CHD8: variants seen among roughly 807,000 people sequenced by gnomAD.
CHD8 encodes ATP-dependent chromatin remodeler CHD8.
CHD8 carries 31 observed loss-of-function variants against 279.2 expected under a neutral mutation model. The ratio of observed to expected loss-of-function variants is 0.11; its 90% confidence interval spans 0.08 to 0.15. CHD8 has a LOEUF of 0.15. Ranked by LOEUF, CHD8 falls within the 10% of genes least tolerant of loss-of-function variation. The pLI is 1.00. For synonymous variants in CHD8, 1,081 were observed against 1,139.6 expected (o/e 0.95, Z 1.04); for missense variants, 2,146 against 3,230.5 (o/e 0.66, Z 8.14).
rs1428261806 is a variant in CHD8 at position 21,405,072 on chromosome 14, C to G, written c.3307+137G>C. ...AGAGTCTCTTTTTTAAAAGGAGAAC[C>G]ATTTCCCTCCCATTCCTCAGTCCGC... On this transcript the variant is annotated intron_variant, in intron 16 of 37. Coordinates refer to ENST00000646647, the MANE Select transcript of CHD8 (RefSeq NM_001170629.2). This position sits in a 1 kb window ranked among gnomAD's most constrained non-coding sequence, Gnocchi z 4.2. The G allele has an allele frequency of 1.3e-6, 1 of 745,722 alleles. No individual in the cohort carries two copies. Among genetic ancestry groups the G allele is most frequent in the Non-Finnish European group, 2.1e-6 (1 of 465,902 alleles). 46.2% of individuals were successfully genotyped at this position (745,722 alleles called of 1,614,324 possible).
chr14:21,405,292 C>T lies in CHD8; in HGVS notation c.3224G>A (p.Gly1075Glu). ...ATTAGGCATGTTGGTATGACCTGCC[C>T]CTTTGGAAAGGAAGGAGAAATTCTT... ...LEKNFSFLSK[G>E]AGHTNMPNLL... is the part of the protein sequence containing the mutation. The change falls in exon 16 of 38, where the codon GGG (glycine) becomes GAG (glutamate). Residue 1075 changes from glycine (G) to glutamate (E), a missense_variant. Coordinates refer to ENST00000646647, the MANE Select transcript of CHD8 (RefSeq NM_001170629.2). The surrounding 1 kb of genome is among the most constrained non-coding windows in gnomAD (Gnocchi z 4.2). 6.2e-7 allele frequency: 1 copy of T among 1,612,572 alleles called. No individual in the cohort carries two copies. The highest frequency in any genetic ancestry group is 8.5e-7 in the Non-Finnish European group (1 of 1,179,238).
At chr14:21,409,206 T>C (rs1282986191) in intron 11 of CHD8, among the ~76,000 whole-genome samples, 2 of 152,238 alleles carry the variant, frequency 1.3e-5, no homozygotes, top group Non-Finnish European at 2.9e-5. Flanking sequence ...TAAAATGTTT[T>C]ATTGGACAGT....
chr14:21,400,947 C>T lies in CHD8; in HGVS notation c.4298G>A (p.Arg1433His), dbSNP rs1888004387. The change falls in exon 22 of 38, where the codon CGC (arginine) becomes CAC (histidine). Residue 1433 changes from arginine (R) to histidine (H), a missense_variant. Physicochemically the swap from Arg to His is conservative, Grantham distance 29. Transcript: ENST00000646647. The surrounding 1 kb of genome is among the most constrained non-coding windows in gnomAD (Gnocchi z 4.2). Reference protein sequence around the residue: ...ESEDDERPRSRRHDRHHAYGR... With the variant: ...ESEDDERPRSHRHDRHHAYGR... ...ATAGGCATGATGACGGTCATGTCTG[C>T]GGGAGCGTGGCCGCTCATCATCCTC... 5 of 1,613,858 alleles carry T rather than the reference C, an allele frequency of 3.1e-6. No homozygotes were observed. The highest frequency in any genetic ancestry group is 1.1e-5 in the South Asian group (1 of 91,068).
intron 5 of CHD8, chr14:21,425,862 G>T (rs1360713801): frequency 2.8e-6 from 1 of 353,422 alleles, no homozygotes; most frequent in Non-Finnish European, 5.1e-6. Flanking sequence ...TTTGAAACCG[G>T]GAGGCAGAGG....
chr14:21,414,034 G>A, intron 9 of CHD8: 2 of 332,370 alleles, frequency 6.0e-6, no homozygotes. Context: ...TGGACCAGCA[G>A]TCAGTGTATC....
chr14:21,411,815 C>A (rs1888505096), intron 10 of CHD8, among the ~76,000 whole-genome samples: 1 of 152,174 alleles, frequency 6.6e-6, no homozygotes, highest in Admixed American at 6.5e-5. Flanking sequence ...GTAATCCCAG[C>A]ACTTTGGGAG....
chr14:21,445,786 G>C (rs1180806437), intron 1 of CHD8, among the ~76,000 whole-genome samples: 1 of 150,956 alleles, frequency 6.6e-6, no homozygotes, highest in Admixed American at 6.6e-5. Context: ...TGGATCACGA[G>C]GTCAGGAGTT....
Position 21,385,964 on chromosome 14 carries a change from G to C in CHD8, c.7395C>G (p.Ala2465=). 6.4e-7 allele frequency: 1 copy of C among 1,564,322 alleles called. No homozygotes were observed. Among genetic ancestry groups the C allele is most frequent in the South Asian group, 1.2e-5 (1 of 84,804 alleles). ...QSVSSLGHSS[A]TSASLPFMPF... is the part of the protein sequence containing the mutation. ...GCATAAAAGGCAAAGATGCAGAAGT[G>C]GCACTGCTGTGACCCAAAGATGACA... is the stretch of plus-strand genomic sequence containing the variant. The change falls in exon 38 of 38, where the codon GCC becomes GCG. Residue 2465 remains alanine (A), a synonymous_variant. Transcript: ENST00000646647.
Position 21,405,689 on chromosome 14 carries a change from T to G in CHD8, c.3051+32A>C. On this transcript the variant is annotated intron_variant, in intron 15 of 37. Transcript: ENST00000646647. This position sits in a 1 kb window ranked among gnomAD's most constrained non-coding sequence, Gnocchi z 4.2. ...TGTACAAACTTCACCTTCTTTGTCC[T>G]GAGTTAGTACCTCATCAGATAGATT... The G allele has an allele frequency of 1.2e-6, 2 of 1,609,490 alleles. No homozygotes were observed. Among genetic ancestry groups the G allele is most frequent in the Non-Finnish European group, 1.7e-6 (2 of 1,177,704 alleles).
chr14:21,449,875 CTACACTATATAGT>C (rs1484578798), intron 1 of CHD8, among the ~76,000 whole-genome samples: 1 of 152,142 alleles, frequency 6.6e-6, no homozygotes, highest in Non-Finnish European at 1.5e-5. Context: ...TAACCACTGC[CTACACTATATAGT>C]TAAATTTTCA....
chr14:21,386,299 A>T, intron 37 of CHD8, 123 bp from the exon 38 acceptor site: 1 of 868,710 alleles, frequency 1.2e-6, no homozygotes, highest in Non-Finnish European at 1.7e-6. Flanking sequence ...GAGGCAAAAC[A>T]AGCACAGCGA....
At position 21,400,946 on chromosome 14, in the gene CHD8, G is replaced by A; in HGVS notation, c.4299C>T (p.Arg1433=). 6.2e-7 allele frequency: 1 copy of A among 1,613,924 alleles called. No homozygotes were observed. Among genetic ancestry groups the A allele is most frequent in the Non-Finnish European group, 8.5e-7 (1 of 1,179,808 alleles). ...CATAGGCATGATGACGGTCATGTCT[G>A]CGGGAGCGTGGCCGCTCATCATCCT... ...ESEDDERPRS[R]RHDRHHAYGR... is the part of the protein sequence containing the mutation. Residue 1433 remains arginine, a synonymous_variant, in exon 22 of 38, where the codon CGC becomes CGT. Transcript: ENST00000646647. This position sits in a 1 kb window ranked among gnomAD's most constrained non-coding sequence, Gnocchi z 4.2.
intron 5 of CHD8, among the ~76,000 whole-genome samples, chr14:21,418,672 T>C (rs1371983926): frequency 6.6e-6 from 1 of 151,980 alleles, no homozygotes; most frequent in African/African-American, 2.4e-5. Flanking sequence ...AAAAATTAGC[T>C]GGGCGTGGTG....
At chr14:21,442,718 A>AGGGAGGAGAGGGGAAGAGAC (rs1890010166) in intron 1 of CHD8, among the ~76,000 whole-genome samples, 2 of 27,322 alleles carry the variant, frequency 7.3e-5, no homozygotes, top group Admixed American at 4.7e-4. Context: ...GGAGAGGAGA[A>AGGGAGGAGAGGGGAAGAGAC]GGGAGGAGAG....
rs1392386217 is a variant in CHD8 at position 21,385,266 on chromosome 14, T to C, written c.*347A>G. On this transcript the variant is annotated 3_prime_UTR_variant, in exon 38 of 38. Transcript: ENST00000646647. Reference sequence around the variant, plus strand: ...AACAGTTCCTGACCCTCCAGCTGTATCCACAGTTCGGCCAGGAACAGGCTC... The same window carrying C: ...AACAGTTCCTGACCCTCCAGCTGTACCCACAGTTCGGCCAGGAACAGGCTC... 1 of 273,174 alleles carries C rather than the reference T, an allele frequency of 3.7e-6. No homozygotes were observed. The highest frequency in any genetic ancestry group is 6.9e-6 in the Non-Finnish European group (1 of 144,724). 16.9% of individuals were successfully genotyped at this position (273,174 alleles called of 1,614,324 possible).
In CHD8 at chr14:21,403,209, G is replaced by A; in HGVS notation, c.3522C>T (p.Tyr1174=). The change falls in exon 18 of 38, where the codon TAC becomes TAT. Residue 1174 remains tyrosine (Y), a synonymous_variant. Coordinates refer to ENST00000646647, the MANE Select transcript of CHD8 (RefSeq NM_001170629.2). The surrounding 1 kb of genome is among the most constrained non-coding windows in gnomAD (Gnocchi z 4.3). The stretch of plus-strand genomic sequence containing the variant: ...CTCGCCCATCAATACGTTCATATAA[G>A]TACCTGTATGGGAATCGCAGAAAAA... ...ILEDYLIQRR[Y]LYERIDGRVR... The A allele has an allele frequency of 1.2e-6, 2 of 1,613,280 alleles. No individual in the cohort carries two copies. The highest frequency in any genetic ancestry group is 1.7e-6 in the Non-Finnish European group (2 of 1,179,576).
intron 5 of CHD8, chr14:21,416,225 C>T (rs979796724): frequency 1.3e-5 from 3 of 227,846 alleles, no homozygotes; most frequent in African/African-American, 2.2e-5. Context: ...AGAAGCAACC[C>T]GTTAGTGCAA....
intron 4 of CHD8, 179 bp downstream of exon 4, chr14:21,427,690 G>A (rs1267468949): frequency 6.7e-7 from 1 of 1,500,882 alleles, no homozygotes; most frequent in Non-Finnish European, 8.9e-7. Flanking sequence ...GTACTCACTT[G>A]AGCTTACTCT....
chr14:21,443,540 A>G (rs1230480499), intron 1 of CHD8, among the ~76,000 whole-genome samples: 1 of 151,748 alleles, frequency 6.6e-6, no homozygotes, highest in African/African-American at 2.4e-5. Context: ...ATATCAAACA[A>G]AGCAAAAATG....
Sources: allele counts gnomAD v4.1 joint callset (sites outside exome capture counted in the v4.1 genomes callset), GRCh38; gene constraint gnomAD v4.1.1; non-coding constraint Gnocchi (gnomAD v3.1); transcripts MANE v1.5; gene names NCBI Gene and HGNC (gene_info 2026-07-23, HGNC 2026-07-21).